DPP7: variants seen among roughly 807,000 people sequenced by gnomAD.
DPP7 encodes the protein dipeptidyl peptidase 7, also known as dipeptidyl peptidase 2.
DPP7 carries 74 observed loss-of-function variants against 58.8 expected under a neutral mutation model. That is an observed-to-expected ratio of 1.26 (90% CI 1.04 to 1.53). The LOEUF is 1.53. DPP7 is among the 40% of genes most tolerant of loss of function. The probability of loss-of-function intolerance (pLI) is 0.00; values close to 1 mark genes in which losing one functional copy is unlikely to be tolerated. For synonymous variants in DPP7, 350 were observed against 303.6 expected, an observed-to-expected ratio of 1.15 and a Z score of -1.59; for missense variants, 807 against 692.3, an observed-to-expected ratio of 1.17 and a Z score of -1.86.
At chr9:137,117,697 G>A (rs1275585322), upstream of DPP7, among the ~76,000 whole-genome samples, 1 of 152,194 alleles carries the variant, frequency 6.6e-6, no homozygotes, top group Non-Finnish European at 1.5e-5. Flanking sequence ...GCGGCTGGCC[G>A]TGACCTACTG....
chr9:137,110,809 C>T (rs751352593), intron 12 of DPP7, 26 bp from the exon 13 acceptor site: 19 of 1,601,838 alleles, frequency 1.2e-5, no homozygotes, highest in Admixed American at 6.7e-5. Context: ...AGAGGGGGCC[C>T]GTCAGCCCCA....
At chr9:137,112,854 C>G (rs766106562) in intron 7 of DPP7, 49 bp from the exon 8 acceptor site, 3 of 1,602,056 alleles carry the variant, frequency 1.9e-6, no homozygotes, top group Non-Finnish European at 2.6e-6. Flanking sequence ...TCCACCAGCT[C>G]CGCCTCCCTG....
rs1307455634 is a variant in DPP7, at chr9:137,113,937, A to T, written c.413T>A (p.Phe138Tyr). Reference sequence around the variant, plus strand: ...TCGTAGCGCGCGGAGCAGCTCTGCGAAGTCGGCCAGGGCCTGCTCCACCGT... The same window carrying T: ...TCGTAGCGCGCGGAGCAGCTCTGCGTAGTCGGCCAGGGCCTGCTCCACCGT... ...LLTVEQALAD[F>Y]AELLRALRRD... Residue 138 changes from phenylalanine (F) to tyrosine (Y), a missense_variant, in exon 4 of 13, where the codon TTC becomes TAC. Physicochemically the swap from Phe to Tyr is conservative, Grantham distance 22 (BLOSUM62 3). Transcript: ENST00000371579. 1.3e-6 allele frequency: 2 copies of T among 1,586,416 alleles called. No homozygotes were observed. The highest frequency in any genetic ancestry group is 3.4e-5 in the Admixed American group (2 of 59,034).
Position 137,112,927 on chromosome 9 carries a change from C to T in DPP7, c.870+26G>A, listed in dbSNP as rs769212647. ...TCGGGACACTCCAGCCGGCCTCTCCCTGCGCCCTGGGAGGCGGCGCCTCAC... is the reference window on the plus strand; with the variant it reads ...TCGGGACACTCCAGCCGGCCTCTCCTTGCGCCCTGGGAGGCGGCGCCTCAC... On this transcript the variant is annotated intron_variant, in intron 7 of 12. Coordinates refer to ENST00000371579, the MANE Select transcript of DPP7 (RefSeq NM_013379.3). The T allele has an allele frequency of 1.6e-5, 26 of 1,612,122 alleles. No individual in the cohort carries two copies. The Admixed American group carries it at 2.3e-4, about 14-fold the overall frequency.
At position 137,114,392 on chromosome 9, in the gene DPP7, G is replaced by C. The variant is rs750405489; in HGVS notation, c.182-10C>G. 3.9e-5 allele frequency: 62 copies of C among 1,595,280 alleles called. No homozygotes were observed. In the African/African-American group the frequency reaches 7.6e-4, roughly 19 times the overall value. On this transcript the variant is annotated splice_polypyrimidine_tract_variant and intron_variant, in intron 2 of 12. Coordinates refer to ENST00000371579, the MANE Select transcript of DPP7 (RefSeq NM_013379.3). Reference sequence around the variant, plus strand: ...CGGACCCAGAACCTGTCTGTGGGGAGGGCGGATGAGGCGAGGGTGCCGGGG... The same window carrying C: ...CGGACCCAGAACCTGTCTGTGGGGACGGCGGATGAGGCGAGGGTGCCGGGG...
chr9:137,113,754 G>A (rs1398266058), intron 4 of DPP7, 111 bp downstream of exon 4: 2 of 1,411,278 alleles, frequency 1.4e-6, no homozygotes, highest in Non-Finnish European at 1.8e-6. Context: ...CACTGCCTGA[G>A]GCCTTACGAA....
rs771429105 is a variant in DPP7, at chr9:137,113,501, G to A, written c.486-5C>T. ...GCACTGAGCATCCCCCCATAACTGG[G>A]TGAGGGACACAGGGTTAGGGCTGCT... On this transcript the variant is annotated splice_polypyrimidine_tract_variant and splice_region_variant and intron_variant, in intron 4 of 12. Coordinates refer to ENST00000371579, the MANE Select transcript of DPP7 (RefSeq NM_013379.3). 3.3e-5 allele frequency: 51 copies of A among 1,553,702 alleles called. 2 individuals are homozygous for A. In the East Asian group the frequency reaches 8.8e-4, roughly 27 times the overall value.
intron 2 of DPP7, 27 bp downstream of exon 2, chr9:137,114,436 G>A (rs761319116): frequency 1.9e-6 from 3 of 1,559,704 alleles, no homozygotes; most frequent in South Asian, 2.3e-5. Context: ...GACGGCGGGG[G>A]CGGCCGGGCC....
At position 137,113,236 on chromosome 9, in the gene DPP7, G is replaced by A. The variant is rs148933573; in HGVS notation, c.673C>T (p.Arg225Ter). ...TGTAGGAACAAGTCCTTGATCTGTCGGAACGCTTCCCGCACACCCTGGGTG... is the reference window on the plus strand; with the variant it reads ...TGTAGGAACAAGTCCTTGATCTGTCAGAACGCTTCCCGCACACCCTGGGTG... ...KCTQGVREAF[R>*]QIKDLFLQGA... Residue 225 changes from arginine to a stop codon, truncating the protein, a stop_gained, in exon 6 of 13, where the codon CGA (arginine) becomes TGA (stop). Coordinates refer to ENST00000371579, the MANE Select transcript of DPP7 (RefSeq NM_013379.3). LOFTEE classifies it high-confidence loss of function. 105 of 1,613,588 alleles carry A rather than the reference G, an allele frequency of 6.5e-5. No individual in the cohort carries two copies. Among genetic ancestry groups the A allele is most frequent in the Middle Eastern group, 4.9e-4 (3 of 6,084 alleles).
At position 137,113,102 on chromosome 9, in the gene DPP7, A is replaced by G. The variant is rs1348323933; in HGVS notation, c.721T>C (p.Trp241Arg). Residue 241 changes from tryptophan to arginine, a missense_variant, in exon 7 of 13, where the codon TGG becomes CGG. Physicochemically the swap from Trp to Arg is moderately radical, Grantham distance 101. This residue lies in a region of DPP7 where 624 missense variants were observed against 531.2 expected (regional missense o/e 1.17). Transcript: ENST00000371579. ...AGCGGCTGGCAGGTGCCGAACTCCCAGCGGACCGTGTCGTAGGCTGCGTGG... is the reference window on the plus strand; with the variant it reads ...AGCGGCTGGCAGGTGCCGAACTCCCGGCGGACCGTGTCGTAGGCTGCGTGG... ...FLQGAYDTVR[W>R]EFGTCQPLSD... The G allele has an allele frequency of 1.5e-5, 25 of 1,613,742 alleles. No individual in the cohort carries two copies. The highest frequency in any genetic ancestry group is 2.1e-5 in the Non-Finnish European group (25 of 1,179,994).
In DPP7 at chr9:137,113,451, G is replaced by A. The variant is rs141922159; in HGVS notation, c.531C>T (p.His177=). ...LSAYLRMKYP[H]LVAGALAASA... ...TGGCCGCCAGCGCCCCCGCCACCAGGTGGGGATACTTCATCCTCAGGTAGG... is the reference window on the plus strand; with the variant it reads ...TGGCCGCCAGCGCCCCCGCCACCAGATGGGGATACTTCATCCTCAGGTAGG... Residue 177 remains histidine (H), a synonymous_variant, in exon 5 of 13, where the codon CAC becomes CAT. Transcript: ENST00000371579. 5.0e-5 allele frequency: 80 copies of A among 1,604,286 alleles called. No individual in the cohort carries two copies. In the African/African-American group the frequency reaches 8.7e-4, roughly 17 times the overall value.
upstream of DPP7, among the ~76,000 whole-genome samples, chr9:137,117,112 G>A (rs144912072): frequency 3.2e-3 from 490 of 152,308 alleles, 4 homozygotes; most frequent in Middle Eastern, 6.8e-3. Context: ...ACTGAGCGCC[G>A]TCTCCTGGGC....
rs376671686 is a variant in DPP7, at chr9:137,110,694, C to T, written c.1433G>A (p.Arg478His). ...IIGEWVKAAR[R>H]EQQPALRGGP... Reference sequence around the variant, plus strand: ...CCCACGCAGAGCTGGCTGCTGCTCACGCCTGGCTGCCTTTACCCACTCGCC... The same window carrying T: ...CCCACGCAGAGCTGGCTGCTGCTCATGCCTGGCTGCCTTTACCCACTCGCC... The change falls in exon 13 of 13, where the codon CGT (arginine) becomes CAT (histidine). Residue 478 changes from arginine to histidine, a missense_variant. By Grantham distance (29) the Arg-to-His change is conservative (BLOSUM62 0). Transcript: ENST00000371579. 2.4e-5 allele frequency: 38 copies of T among 1,609,064 alleles called. No individual in the cohort carries two copies. The highest frequency in any genetic ancestry group is 2.5e-5 in the Non-Finnish European group (30 of 1,179,968).
chr9:137,112,306 C>A, intron 8 of DPP7, 76 bp from the exon 9 acceptor site: 3 of 1,244,298 alleles, frequency 2.4e-6, no homozygotes. Flanking sequence ...CCTGTCCCCC[C>A]TCGGAATGGT....
intron 8 of DPP7, 140 bp from the exon 9 acceptor site, chr9:137,112,370 C>T (rs1246176852): frequency 9.7e-6 from 7 of 718,382 alleles, no homozygotes; most frequent in Middle Eastern, 4.0e-4. Context: ...GGAAGGCCCT[C>T]CAGGCTACCT....
Position 137,114,382 on chromosome 9 carries a change from T to C in DPP7, c.182A>G (p.Asp61Gly). ...CCCCTCGCCCCGGACCCAGAACCTG[T>C]CTGTGGGGAGGGCGGATGAGGCGAG... is the stretch of plus-strand genomic sequence containing the variant. ...KTFPQRFLVSDRFWVRGEGPI... is the reference protein window; with the variant it reads ...KTFPQRFLVSGRFWVRGEGPI... The change falls in exon 3 of 13, where the codon GAC (aspartate) becomes GGC (glycine). Residue 61 changes from aspartate (D) to glycine (G), a missense_variant and splice_region_variant. Coordinates refer to ENST00000371579, the MANE Select transcript of DPP7 (RefSeq NM_013379.3). The C allele has an allele frequency of 6.2e-7, 1 of 1,601,058 alleles. No homozygotes were observed. The highest frequency in any genetic ancestry group is 8.5e-7 in the Non-Finnish European group (1 of 1,174,968).
chr9:137,111,826 G>A (rs1166953452), intron 10 of DPP7, 47 bp downstream of exon 10: 12 of 1,612,140 alleles, frequency 7.4e-6, no homozygotes, highest in Non-Finnish European at 9.3e-6. Flanking sequence ...GGGGTGCAGA[G>A]CTCGGGGCAG....
rs1831365032 is a variant in DPP7 at position 137,111,535 on chromosome 9, A to C, written c.1272+155T>G. On this transcript the variant is annotated intron_variant, in intron 11 of 12. Coordinates refer to ENST00000371579, the MANE Select transcript of DPP7 (RefSeq NM_013379.3). ...GCTGGGCATGTTGGTGAGCGCCTGT[A>C]GTCCCAGTTACTGGGAGGCTTGAGC... Among the ~76,000 whole-genome samples, 4 of 152,286 alleles carry C rather than the reference A, an allele frequency of 2.6e-5. No homozygotes were observed. The South Asian group carries it at 8.3e-4, about 32-fold the overall frequency.
Position 137,112,122 on chromosome 9 carries a change from C to T in DPP7, c.1040G>A (p.Trp347Ter), listed in dbSNP as rs769436795. The part of the protein sequence containing the change: ...GCGTGPDARA[W>*]DYQACTEINL... Reference sequence around the variant, plus strand: ...CCCACACCCCCACACCTGGTAGTCCCAGGCCCTGGCGTCGGGGCCGGTGCC... The same window carrying T: ...CCCACACCCCCACACCTGGTAGTCCTAGGCCCTGGCGTCGGGGCCGGTGCC... The change falls in exon 9 of 13, where the codon TGG (tryptophan) becomes TAG (stop). Residue 347 changes from tryptophan (W) to a stop codon, truncating the protein, a stop_gained. Coordinates refer to ENST00000371579, the MANE Select transcript of DPP7 (RefSeq NM_013379.3). LOFTEE classifies it high-confidence loss of function. 13 of 1,611,490 alleles carry T rather than the reference C, an allele frequency of 8.1e-6. No homozygotes were observed. Among genetic ancestry groups the T allele is most frequent in the Admixed American group, 6.7e-5 (4 of 59,946 alleles).
Sources: allele counts gnomAD v4.1 joint callset (sites outside exome capture counted in the v4.1 genomes callset), GRCh38; gene constraint gnomAD v4.1.1; regional missense constraint gnomAD v4.1.1; transcripts MANE v1.5; gene names NCBI Gene and HGNC (gene_info 2026-07-23, HGNC 2026-07-21).